CDH6: variants seen among roughly 807,000 people sequenced by gnomAD.
CDH6 encodes the protein cadherin-6.
CDH6 carries 31 observed loss-of-function variants against 78.0 expected under a neutral mutation model. The observed-to-expected ratio is 0.40, with a 90% CI of 0.30 to 0.54. CDH6 has a LOEUF of 0.54. Among genes scored for constraint, CDH6 ranks in the 20% least tolerant of loss-of-function variants. The pLI is 0.56. For synonymous variants in CDH6, 376 were observed against 368.8 expected (o/e 1.02, Z -0.23); for missense variants, 724 against 975.9 (o/e 0.74, Z 3.44).
chr5:31,319,096 T>C (rs751984773), intron 11 of CDH6: 12 of 182,994 alleles, frequency 6.6e-5, no homozygotes, highest in African/African-American at 1.2e-4. Context: ...GAGAAAGATA[T>C]GAATGTTCTT....
intron 1 of CDH6, among the ~76,000 whole-genome samples, chr5:31,199,206 A>AAT (rs780159803): frequency 4.6e-5 from 7 of 151,164 alleles, no homozygotes; most frequent in South Asian, 4.2e-4. Context: ...TTACATGGTA[A>AAT]ATATATATAT....
At chr5:31,295,439 C>T (rs1017175448) in intron 3 of CDH6, among the ~76,000 whole-genome samples, 1 of 152,160 alleles carries the variant, frequency 6.6e-6, no homozygotes, top group Non-Finnish European at 1.5e-5. Flanking sequence ...CACTGCACAA[C>T]TCTAGGGAGT....
chr5:31,322,745 G>T (rs1021830498), intron 11 of CDH6, 73 bp from the exon 12 acceptor site: 1 of 1,512,090 alleles, frequency 6.6e-7, no homozygotes, highest in African/African-American at 1.4e-5. Context: ...TTTGAGCACA[G>T]TGTTTCTTCC....
At position 31,245,993 on chromosome 5, in the gene CDH6, C is replaced by T. The variant is rs199734750; in HGVS notation, c.-128-21353C>T. On this transcript the variant is annotated intron_variant, in intron 1 of 11. Coordinates refer to ENST00000265071, the MANE Select transcript of CDH6 (RefSeq NM_004932.4). The stretch of plus-strand genomic sequence containing the variant: ...CACAATCTCTGCTCACTGCAACCTC[C>T]ACCTCCTGGGTTCAAGCAATTCTCT... 2.7e-5 allele frequency among the ~76,000 whole-genome samples: 4 copies of T among 150,502 alleles called. No individual in the cohort carries two copies. In the East Asian group the frequency reaches 7.9e-4, roughly 30 times the overall value.
rs1742843316 is a variant in CDH6 at position 31,280,823 on chromosome 5, CAG to C, written c.228+13126_228+13127del. Reference sequence around the variant, plus strand: ...GAGAGGAGGAGAAGAAAAAGGACAACAGAGAAAGGAGAAAGGAGAAAGGGAGC... The same window carrying C: ...GAGAGGAGGAGAAGAAAAAGGACAACAGAAAGGAGAAAGGAGAAAGGGAGC... On this transcript the variant is annotated intron_variant, in intron 2 of 11. Transcript: ENST00000265071. 2.7e-5 allele frequency among the ~76,000 whole-genome samples: 4 copies of C among 149,086 alleles called. No homozygotes were observed. In the South Asian group the frequency reaches 8.5e-4, roughly 32 times the overall value.
intron 1 of CDH6, among the ~76,000 whole-genome samples, chr5:31,256,580 TTTTGTTTTTCAG>T: frequency 6.6e-6 from 1 of 152,302 alleles, no homozygotes; most frequent in South Asian, 2.1e-4. Context: ...TGTCTTTTGT[TTTTGTTTTTCAG>T]TAATAAAGGT....
intron 1 of CDH6, among the ~76,000 whole-genome samples, chr5:31,201,980 T>C (rs1431687027): frequency 6.6e-6 from 1 of 152,180 alleles, no homozygotes; most frequent in Non-Finnish European, 1.5e-5. Flanking sequence ...GTGTCATTAA[T>C]AGTGAATTTG....
Position 31,328,370 on chromosome 5 carries a change from A to G in CDH6, c.*5062A>G, listed in dbSNP as rs1369281759. The G allele has an allele frequency of 1.0e-5, 2 of 200,194 alleles. No homozygotes were observed. The highest frequency in any genetic ancestry group is 1.5e-4 in the East Asian group (2 of 12,980). 12.4% of individuals were successfully genotyped at this position (200,194 alleles called of 1,614,324 possible). ...CTGGAGGCACCTTCTCTAAGCTTTT[A>G]GTTTTCTATGATCTATTAGTTTAGT... is the stretch of plus-strand genomic sequence containing the variant. On this transcript the variant is annotated 3_prime_UTR_variant, in exon 12 of 12. Coordinates refer to ENST00000265071, the MANE Select transcript of CDH6 (RefSeq NM_004932.4).
At chr5:31,310,812 C>T (rs1035588345) in intron 7 of CDH6, among the ~76,000 whole-genome samples, 61 of 152,222 alleles carry the variant, frequency 4.0e-4, no homozygotes, top group African/African-American at 1.4e-3. Flanking sequence ...AGCCACAGCT[C>T]GGGCTGGAGT....
At chr5:31,272,879 G>A (rs1003176592) in intron 2 of CDH6, among the ~76,000 whole-genome samples, 144 of 152,224 alleles carry the variant, frequency 9.5e-4, no homozygotes, top group African/African-American at 3.1e-3. Context: ...GTTTTGGGGG[G>A]ATAGTTTTCA....
chr5:31,265,845 G>T (rs909531148), intron 1 of CDH6, among the ~76,000 whole-genome samples: 1 of 137,238 alleles, frequency 7.3e-6, no homozygotes. Flanking sequence ...TGCAATCTTG[G>T]CTCACTGCAA....
At chr5:31,297,472 G>A (rs1201232129) in intron 4 of CDH6, 64 bp downstream of exon 4, 12 of 1,229,670 alleles carry the variant, frequency 9.8e-6, no homozygotes, top group Non-Finnish European at 1.4e-5. Context: ...AGCTGAGCTA[G>A]CATATTTTTA....
chr5:31,197,317 A>G (rs528186660), intron 1 of CDH6, among the ~76,000 whole-genome samples: 106 of 152,330 alleles, frequency 7.0e-4, no homozygotes, highest in Non-Finnish European at 1.3e-3. Context: ...AATCTGTTCT[A>G]AAGTTTGAAA....
intron 2 of CDH6, among the ~76,000 whole-genome samples, chr5:31,274,445 C>T (rs1194544299): frequency 1.3e-5 from 2 of 152,170 alleles, no homozygotes; most frequent in Non-Finnish European, 2.9e-5. Flanking sequence ...CACAAGGAAC[C>T]GATCCCAGAT....
chr5:31,201,468 A>G (rs1740347178), intron 1 of CDH6, among the ~76,000 whole-genome samples: 2 of 152,184 alleles, frequency 1.3e-5, no homozygotes, highest in Admixed American at 1.3e-4. Context: ...ATGACAACCT[A>G]TTGTGTGTCT....
intron 1 of CDH6, among the ~76,000 whole-genome samples, chr5:31,195,970 A>G (rs1403839899): frequency 2.6e-5 from 4 of 152,222 alleles, no homozygotes; most frequent in African/African-American, 9.6e-5. Flanking sequence ...ATCTTTTGCT[A>G]CCATTACAAG....
chr5:31,219,322 G>A (rs909354034), intron 1 of CDH6, among the ~76,000 whole-genome samples: 1 of 152,116 alleles, frequency 6.6e-6, no homozygotes, highest in Non-Finnish European at 1.5e-5. Flanking sequence ...TAGGTAGGTA[G>A]GTAGAGAGAG....
chr5:31,302,948 AAAG>A lies in CDH6; in HGVS notation c.999+653_999+655del, dbSNP rs1561066511. ...GAAAGAAAGAAAGAAAGAAAGAAAGAAAGAAAGAAGGAAAGAAAAGAAAGAAAG... is the reference window on the plus strand; with the variant it reads ...GAAAGAAAGAAAGAAAGAAAGAAAGAAAAGAAGGAAAGAAAAGAAAGAAAG... On this transcript the variant is annotated intron_variant, in intron 6 of 11. Transcript: ENST00000265071. 3.8e-5 allele frequency among the ~76,000 whole-genome samples: 5 copies of A among 131,580 alleles called. 1 individual carries two copies. Among genetic ancestry groups the A allele is most frequent in the Admixed American group, 2.3e-4 (3 of 12,798 alleles). 86.3% of individuals were successfully genotyped at this position (131,580 alleles called of 152,430 possible).
chr5:31,263,959 A>G (rs1384623842), intron 1 of CDH6, among the ~76,000 whole-genome samples: 1 of 152,146 alleles, frequency 6.6e-6, no homozygotes, highest in African/African-American at 2.4e-5. Context: ...ACGTAATAAA[A>G]TGGAAAGAAG....
Sources: allele counts gnomAD v4.1 joint callset (sites outside exome capture counted in the v4.1 genomes callset), GRCh38; gene constraint gnomAD v4.1.1; transcripts MANE v1.5; gene names NCBI Gene and HGNC (gene_info 2026-07-23, HGNC 2026-07-21).